Variants in CEP128 observed in about 807,000 individuals in gnomAD.
The protein encoded by CEP128 is centrosomal protein 128.
A neutral mutation model predicts 156.7 loss-of-function variants in CEP128; 132 were observed. That is an observed-to-expected ratio of 0.84 (90% confidence interval 0.73 to 0.97). The LOEUF (loss-of-function observed/expected upper bound fraction) is 0.97. Ranked by LOEUF, CEP128 falls within the 50% of genes least tolerant of loss-of-function variation. CEP128 has a pLI of 0.00. For missense variants in CEP128, 1,252 were observed against 1,281.9 expected, an observed-to-expected ratio of 0.98 and a Z score of 0.36; for synonymous variants, 469 against 448.9, an observed-to-expected ratio of 1.04 and a Z score of -0.57.
chr14:80,916,437 A>G lies in CEP128; in HGVS notation c.111T>C (p.Val37=), dbSNP rs1299633487. The G allele has an allele frequency of 3.7e-6, 6 of 1,614,100 alleles. No homozygotes were observed. Among genetic ancestry groups the G allele is most frequent in the East Asian group, 2.2e-5 (1 of 44,886 alleles). The change falls in exon 3 of 25, where the codon GTT becomes GTC. Residue 37 remains valine, a synonymous_variant. Coordinates refer to ENST00000555265, the MANE Select transcript of CEP128 (RefSeq NM_152446.5). ...RGTRSLPTVE[V]TEKVNTITST... Reference sequence around the variant, plus strand: ...TTGTTATAGTGTTGACCTTCTCGGTAACTTCTACTGTAGGAAGACTTCGAG... The same window carrying G: ...TTGTTATAGTGTTGACCTTCTCGGTGACTTCTACTGTAGGAAGACTTCGAG...
At chr14:80,609,323 T>A (rs1892906210) in intron 19 of CEP128, among the ~76,000 whole-genome samples, 1 of 152,180 alleles carries the variant, frequency 6.6e-6, no homozygotes, top group South Asian at 2.1e-4. Flanking sequence ...GCCTATAAAC[T>A]GAGCTTCCTT....
chr14:80,588,962 A>G, intron 19 of CEP128, among the ~76,000 whole-genome samples: 1 of 152,152 alleles, frequency 6.6e-6, no homozygotes, highest in Non-Finnish European at 1.5e-5. Context: ...GCCATGAGGA[A>G]GAAAATGGGA....
intron 19 of CEP128, among the ~76,000 whole-genome samples, chr14:80,656,649 G>A (rs902753540): frequency 6.6e-6 from 1 of 151,972 alleles, no homozygotes; most frequent in Non-Finnish European, 1.5e-5. Context: ...AATCTAATGA[G>A]AAGTTTGTGA....
chr14:80,847,263 T>C (rs925461081), intron 9 of CEP128, among the ~76,000 whole-genome samples: 2 of 152,188 alleles, frequency 1.3e-5, no homozygotes, highest in African/African-American at 2.4e-5. Context: ...CAGACCTGCA[T>C]GTTTCAAGCT....
intron 19 of CEP128, among the ~76,000 whole-genome samples, chr14:80,590,241 C>G (rs1891992440): frequency 6.6e-6 from 1 of 152,070 alleles, no homozygotes. Flanking sequence ...AGACGTAACT[C>G]TTGGATTGAA....
Position 80,915,281 on chromosome 14 carries a change from CA to C in CEP128, c.148-874del, listed in dbSNP as rs778477041. 3.3e-5 allele frequency among the ~76,000 whole-genome samples: 5 copies of C among 152,216 alleles called. No homozygotes were observed. In the East Asian group the frequency reaches 5.8e-4, roughly 18 times the overall value. On this transcript the variant is annotated intron_variant, in intron 3 of 24. Coordinates refer to ENST00000555265, the MANE Select transcript of CEP128 (RefSeq NM_152446.5). The stretch of plus-strand genomic sequence containing the variant: ...AAGTGATCCTCCCACCTCAGCCTCC[CA>C]AAGTGCTAGGATTACAGGCATGAGC...
chr14:80,781,633 G>C (rs1901125467), intron 15 of CEP128, among the ~76,000 whole-genome samples: 1 of 142,748 alleles, frequency 7.0e-6, no homozygotes, highest in African/African-American at 3.1e-5. Flanking sequence ...AGAGTATCCG[G>C]GGGGCTAAAG....
chr14:80,849,959 G>A (rs1301666705), intron 9 of CEP128, among the ~76,000 whole-genome samples: 2 of 151,976 alleles, frequency 1.3e-5, no homozygotes. Context: ...ATTAAAAGTG[G>A]AAAAGGGAAT....
At chr14:80,842,510 A>G (rs780762711) in intron 9 of CEP128, among the ~76,000 whole-genome samples, 2 of 152,042 alleles carry the variant, frequency 1.3e-5, no homozygotes, top group African/African-American at 2.4e-5. Flanking sequence ...AAATATATCA[A>G]TGATGCACCT....
chr14:80,612,241 T>G (rs186306475), intron 19 of CEP128, among the ~76,000 whole-genome samples: 1 of 152,286 alleles, frequency 6.6e-6, no homozygotes, highest in African/African-American at 2.4e-5. Flanking sequence ...ATTCTTTTAT[T>G]GTCTCTGAAG....
chr14:80,648,725 C>T (rs990937008), intron 19 of CEP128, among the ~76,000 whole-genome samples: 4 of 152,014 alleles, frequency 2.6e-5, no homozygotes, highest in Non-Finnish European at 5.9e-5. Flanking sequence ...TTAATTCATT[C>T]ATTCATCCAA....
At chr14:80,910,147 C>G (rs1240944479) in intron 4 of CEP128, among the ~76,000 whole-genome samples, 1 of 152,096 alleles carries the variant, frequency 6.6e-6, no homozygotes, top group African/African-American at 2.4e-5. Flanking sequence ...ATATTAATAT[C>G]TCACTTGATA....
At chr14:80,853,956 T>C (rs971919984) in intron 9 of CEP128, among the ~76,000 whole-genome samples, 1 of 143,918 alleles carries the variant, frequency 6.9e-6, no homozygotes, top group African/African-American at 2.6e-5. Flanking sequence ...AATTAGATCC[T>C]TTCCTCTCTC....
chr14:80,891,555 G>T (rs1301486722), intron 8 of CEP128, among the ~76,000 whole-genome samples: 1 of 150,186 alleles, frequency 6.7e-6, no homozygotes, highest in Non-Finnish European at 1.5e-5. Flanking sequence ...AGTTGGAAGG[G>T]TGAGGAGGAG....
intron 15 of CEP128, among the ~76,000 whole-genome samples, chr14:80,781,209 G>A (rs921450773): frequency 6.6e-6 from 1 of 152,194 alleles, no homozygotes; most frequent in African/African-American, 2.4e-5. Flanking sequence ...TGTCATCCCA[G>A]CACTTTGGGA....
At chr14:80,908,475 A>C (rs893185403) in intron 4 of CEP128, among the ~76,000 whole-genome samples, 2 of 152,098 alleles carry the variant, frequency 1.3e-5, no homozygotes, top group African/African-American at 4.8e-5. Flanking sequence ...CACTCTATTC[A>C]TTCAAGGTCA....
intron 19 of CEP128, among the ~76,000 whole-genome samples, chr14:80,702,767 A>C (rs951034075): frequency 3.3e-5 from 5 of 152,168 alleles, no homozygotes; most frequent in African/African-American, 4.8e-5. Context: ...GTGTGTTTCC[A>C]ATGGTTGCTT....
Position 80,856,937 on chromosome 14 carries a change from G to A in CEP128, c.762+5820C>T, listed in dbSNP as rs369798817. Among the ~76,000 whole-genome samples, 63 of 150,922 alleles carry A rather than the reference G, an allele frequency of 4.2e-4. 1 individual carries two copies. The highest frequency in any genetic ancestry group is 1.1e-3 in the African/African-American group (46 of 41,150). ...TGTTTTTTGTATTTTTAGTAGAGAC[G>A]GGGTTTCACCATGTTGGCCAGGCTG... is the stretch of plus-strand genomic sequence containing the variant. On this transcript the variant is annotated intron_variant, in intron 9 of 24. Transcript: ENST00000555265.
At position 80,654,262 on chromosome 14, in the gene CEP128, G is replaced by A. The variant is rs183186612; in HGVS notation, c.2807-73839C>T. 2.7e-3 allele frequency among the ~76,000 whole-genome samples: 417 copies of A among 152,022 alleles called. 2 individuals carry two copies. The highest frequency in any genetic ancestry group is 9.6e-3 in the African/African-American group (400 of 41,502). On this transcript the variant is annotated intron_variant, in intron 19 of 24. Coordinates refer to ENST00000555265, the MANE Select transcript of CEP128 (RefSeq NM_152446.5). ...CTGGTACTTATTATTTCTGATTCAT[G>A]TGGCCACGAAGAATACAGTCAGGAA...
Sources: allele counts gnomAD v4.1 joint callset (sites outside exome capture counted in the v4.1 genomes callset), GRCh38; gene constraint gnomAD v4.1.1; transcripts MANE v1.5; gene names NCBI Gene and HGNC (gene_info 2026-07-23, HGNC 2026-07-21).